The following GULP1 variants were observed in gnomAD, a reference collection of about 807,000 sequenced individuals.
GULP1 encodes PTB domain-containing engulfment adapter protein 1.
GULP1 carries 19 observed loss-of-function variants against 40.9 expected under a neutral mutation model. That is an observed-to-expected ratio of 0.46 (90% CI 0.32 to 0.68). GULP1 has a LOEUF of 0.68. GULP1 is among the 30% of genes least tolerant of loss of function. The probability of loss-of-function intolerance (pLI) is 0.03; values close to 1 mark genes in which losing one functional copy is unlikely to be tolerated. For missense variants in GULP1, 312 were observed against 362.2 expected, an observed-to-expected ratio of 0.86 and a Z score of 1.12; for synonymous variants, 119 against 117.6, an observed-to-expected ratio of 1.01 and a Z score of -0.08.
intron 1 of GULP1, among the ~76,000 whole-genome samples, chr2:188,302,123 CT>C (rs1446262390): frequency 2.6e-5 from 4 of 152,052 alleles, no homozygotes; most frequent in African/African-American, 9.7e-5. Flanking sequence ...TTACAGACTA[CT>C]TGGGTTTTGT....
At chr2:188,432,094 A>T (rs1303181125) in intron 2 of GULP1, among the ~76,000 whole-genome samples, 1 of 151,682 alleles carries the variant, frequency 6.6e-6, no homozygotes. Flanking sequence ...CCTAGGAAGT[A>T]GAAATCTTGA....
At chr2:188,410,458 A>G (rs2053712952) in intron 2 of GULP1, among the ~76,000 whole-genome samples, 1 of 152,224 alleles carries the variant, frequency 6.6e-6, no homozygotes, top group African/African-American at 2.4e-5. Flanking sequence ...ATAAGGGGTT[A>G]ATAGCCAAAT....
chr2:188,585,737 G>A (rs1702236079), intron 10 of GULP1, among the ~76,000 whole-genome samples: 1 of 152,146 alleles, frequency 6.6e-6, no homozygotes, highest in Non-Finnish European at 1.5e-5. Flanking sequence ...TTCCTCTTAG[G>A]CCTCTGGACC....
At chr2:188,322,697 C>G (rs1044799761) in intron 1 of GULP1, among the ~76,000 whole-genome samples, 5 of 152,142 alleles carry the variant, frequency 3.3e-5, no homozygotes, top group African/African-American at 1.2e-4. Flanking sequence ...TCACTTAGCT[C>G]TTTGTGGTAA....
intron 2 of GULP1, among the ~76,000 whole-genome samples, chr2:188,456,584 C>A (rs2059286618): frequency 6.6e-6 from 1 of 152,144 alleles, no homozygotes; most frequent in Admixed American, 6.5e-5. Flanking sequence ...CCTGGATGCC[C>A]AGGCAAAAGT....
rs1485343978 is a variant in GULP1, at chr2:188,443,688, TTC to T, written c.-44-33969_-44-33968del. 3.3e-5 allele frequency among the ~76,000 whole-genome samples: 5 copies of T among 150,840 alleles called. 1 individual carries two copies. Among genetic ancestry groups the T allele is most frequent in the South Asian group, 2.1e-4 (1 of 4,802 alleles). ...CTTAAACTGAAAAAATGAATTTCTT[TTC>T]TTTTTTTTTTTTTTGAGACAGAGTC... On this transcript the variant is annotated intron_variant, in intron 2 of 11. Transcript: ENST00000409830.
chr2:188,588,010 G>C (rs748705947), intron 11 of GULP1, 61 bp downstream of exon 11: 2 of 874,480 alleles, frequency 2.3e-6, no homozygotes, highest in Non-Finnish European at 4.0e-6. Flanking sequence ...GGGACAAAGA[G>C]AATGTTATGT....
intron 2 of GULP1, among the ~76,000 whole-genome samples, chr2:188,466,292 T>TCCCC (rs138871908): frequency 7.7e-4 from 114 of 148,090 alleles, no homozygotes; most frequent in East Asian, 4.9e-3. Context: ...GGTTTTTTTT[T>TCCCC]CCCCCCCCGG....
At chr2:188,492,044 A>G (rs1049930250) in intron 4 of GULP1, among the ~76,000 whole-genome samples, 1 of 152,074 alleles carries the variant, frequency 6.6e-6, no homozygotes, top group Non-Finnish European at 1.5e-5. Flanking sequence ...GACTCCAGAT[A>G]GTATATCAGA....
intron 1 of GULP1, among the ~76,000 whole-genome samples, chr2:188,376,758 T>C (rs963519552): frequency 6.6e-6 from 1 of 152,244 alleles, no homozygotes; most frequent in Non-Finnish European, 1.5e-5. Flanking sequence ...CATTGTCATA[T>C]GCTATTGGTG....
At chr2:188,549,966 G>C (rs905514163) in intron 7 of GULP1, among the ~76,000 whole-genome samples, 2 of 151,680 alleles carry the variant, frequency 1.3e-5, no homozygotes, top group Non-Finnish European at 3.0e-5. Context: ...AAGAGGATGT[G>C]CTTATAAAAC....
At chr2:188,585,202 G>T (rs763441055) in intron 10 of GULP1, among the ~76,000 whole-genome samples, 2 of 152,124 alleles carry the variant, frequency 1.3e-5, no homozygotes, top group South Asian at 4.1e-4. Flanking sequence ...CAAGGCCTTG[G>T]GCAGCTCCAC....
At chr2:188,517,533 T>A (rs1335836647) in intron 4 of GULP1, among the ~76,000 whole-genome samples, 1 of 152,184 alleles carries the variant, frequency 6.6e-6, no homozygotes, top group African/African-American at 2.4e-5. Context: ...AGTCTTTTCA[T>A]GTGAGAGGCT....
intron 6 of GULP1, among the ~76,000 whole-genome samples, chr2:188,537,249 T>C (rs1199401354): frequency 6.6e-6 from 1 of 152,104 alleles, no homozygotes; most frequent in Non-Finnish European, 1.5e-5. Context: ...AGAGTGGGCA[T>C]CCTTGTCTTG....
intron 1 of GULP1, among the ~76,000 whole-genome samples, chr2:188,293,563 C>T (rs2034265322): frequency 6.6e-6 from 1 of 152,122 alleles, no homozygotes; most frequent in Non-Finnish European, 1.5e-5. Context: ...GGAAATTCTT[C>T]AAATTTGCAA....
chr2:188,577,840 A>G (rs1700461444), intron 9 of GULP1, among the ~76,000 whole-genome samples: 1 of 152,098 alleles, frequency 6.6e-6, no homozygotes, highest in South Asian at 2.1e-4. Flanking sequence ...ATACATTATA[A>G]CAATGAACTT....
chr2:188,455,329 G>A (rs767485104), intron 2 of GULP1, among the ~76,000 whole-genome samples: 1 of 152,032 alleles, frequency 6.6e-6, no homozygotes, highest in African/African-American at 2.4e-5. Flanking sequence ...ACATGATGTG[G>A]TGTGGCTGTG....
intron 4 of GULP1, among the ~76,000 whole-genome samples, chr2:188,505,392 C>T (rs991141188): frequency 4.6e-5 from 7 of 151,680 alleles, no homozygotes; most frequent in African/African-American, 1.7e-4. Flanking sequence ...ATCTACAATC[C>T]CGAGTCATTC....
intron 2 of GULP1, among the ~76,000 whole-genome samples, chr2:188,439,017 G>A (rs1004451752): frequency 6.6e-6 from 1 of 151,834 alleles, no homozygotes; most frequent in African/African-American, 2.4e-5. Flanking sequence ...GTTAAATTAG[G>A]AATATTATTA....
Sources: allele counts gnomAD v4.1 joint callset (sites outside exome capture counted in the v4.1 genomes callset), GRCh38; gene constraint gnomAD v4.1.1; transcripts MANE v1.5; gene names NCBI Gene and HGNC (gene_info 2026-07-23, HGNC 2026-07-21).